LDLRAD4: variants seen among roughly 807,000 people sequenced by gnomAD.
LDLRAD4 encodes low-density lipoprotein receptor class A domain-containing protein 4.
Under a neutral mutation model 17.0 loss-of-function variants are expected in LDLRAD4, and 5 were observed. That is an observed-to-expected ratio of 0.29 (90% CI 0.15 to 0.62). LDLRAD4 has a LOEUF of 0.62. Among genes scored for constraint, LDLRAD4 ranks in the 20% least tolerant of loss-of-function variants. The pLI is 0.84. For missense variants in LDLRAD4, 340 were observed against 424.7 expected, an observed-to-expected ratio of 0.80 and a Z score of 1.75; for synonymous variants, 168 against 171.8, an observed-to-expected ratio of 0.98 and a Z score of 0.17.
intron 3 of LDLRAD4, among the ~76,000 whole-genome samples, chr18:13,516,861 T>G (rs1027094171): frequency 2.6e-5 from 4 of 152,174 alleles, no homozygotes; most frequent in Non-Finnish European, 5.9e-5. Context: ...GTTCCTTTAT[T>G]TATTTTGAGA....
At chr18:13,544,465 C>G (rs1206226076) in intron 3 of LDLRAD4, among the ~76,000 whole-genome samples, 2 of 152,290 alleles carry the variant, frequency 1.3e-5, no homozygotes, top group Non-Finnish European at 2.9e-5. Flanking sequence ...AAGATGGGTA[C>G]AAAGATGTGT....
intron 1 of LDLRAD4, among the ~76,000 whole-genome samples, chr18:13,364,753 G>T (rs886490048): frequency 2.8e-4 from 42 of 152,162 alleles, no homozygotes; most frequent in African/African-American, 8.9e-4. Context: ...ACCTGAGGCT[G>T]GCGATGCTGT....
chr18:13,246,298 G>T (rs553052257), intron 1 of LDLRAD4, among the ~76,000 whole-genome samples: 4 of 152,344 alleles, frequency 2.6e-5, no homozygotes, highest in Non-Finnish European at 5.9e-5. Context: ...TGCCCTTGGG[G>T]TCCCTGTGCA....
chr18:13,586,784 GGCT>G (rs2094941565), intron 3 of LDLRAD4, among the ~76,000 whole-genome samples: 1 of 151,690 alleles, frequency 6.6e-6, no homozygotes, highest in East Asian at 1.9e-4. Flanking sequence ...CATATCAGGA[GGCT>G]GAGTTGGGAG....
At chr18:13,327,393 G>C in intron 1 of LDLRAD4, among the ~76,000 whole-genome samples, 1 of 152,152 alleles carries the variant, frequency 6.6e-6, no homozygotes, top group East Asian at 1.9e-4. Context: ...ACAAGCAGCA[G>C]CACCACCACG....
exon 6 of LDLRAD4, chr18:13,648,103 A>C (rs1486321408): frequency 6.6e-6 from 1 of 152,192 alleles, no homozygotes; most frequent in Non-Finnish European, 1.5e-5. Context: ...TCTCACCTGC[A>C]GTTTTGGTGA....
intron 4 of LDLRAD4, among the ~76,000 whole-genome samples, chr18:13,630,351 C>A (rs1178847731): frequency 6.6e-6 from 1 of 152,036 alleles, no homozygotes; most frequent in Admixed American, 6.6e-5. Context: ...GCTGTGACTG[C>A]CATCTAGAGT....
chr18:13,612,051 C>T, intron 3 of LDLRAD4: 4 of 985,534 alleles, frequency 4.1e-6, no homozygotes, highest in South Asian at 9.4e-5. Context: ...CCGCCTGTCG[C>T]GTGTCCTGCC....
chr18:13,340,368 C>A (rs2082311003), intron 1 of LDLRAD4, among the ~76,000 whole-genome samples: 1 of 152,148 alleles, frequency 6.6e-6, no homozygotes, highest in African/African-American at 2.4e-5. Context: ...GGGGCTGCAC[C>A]ATTTTACATT....
At chr18:13,268,061 T>G (rs1338949544) in intron 1 of LDLRAD4, among the ~76,000 whole-genome samples, 1 of 152,210 alleles carries the variant, frequency 6.6e-6, no homozygotes, top group Admixed American at 6.5e-5. Flanking sequence ...TTGAAACTCT[T>G]GTACTTTCCA....
chr18:13,605,766 A>G (rs2095216982), intron 3 of LDLRAD4, among the ~76,000 whole-genome samples: 1 of 152,200 alleles, frequency 6.6e-6, no homozygotes, highest in Non-Finnish European at 1.5e-5. Context: ...TTGAATGACA[A>G]TTAGCAAAAA....
At chr18:13,341,904 T>A (rs183569875) in intron 1 of LDLRAD4, among the ~76,000 whole-genome samples, 14 of 152,272 alleles carry the variant, frequency 9.2e-5, no homozygotes, top group African/African-American at 3.1e-4. Context: ...GAGGTAATTT[T>A]CTTTTAGTCC....
intron 3 of LDLRAD4, among the ~76,000 whole-genome samples, chr18:13,499,839 C>T (rs1302778756): frequency 6.6e-6 from 1 of 152,258 alleles, no homozygotes; most frequent in Non-Finnish European, 1.5e-5. Context: ...ACACGTCCTG[C>T]TGTGAAAACC....
At chr18:13,606,552 G>A (rs1007116046) in intron 3 of LDLRAD4, among the ~76,000 whole-genome samples, 2 of 152,194 alleles carry the variant, frequency 1.3e-5, no homozygotes, top group Admixed American at 6.5e-5. Flanking sequence ...GAGCATTTGC[G>A]TTTCTACATA....
chr18:13,420,720 A>T (rs2089364337), intron 2 of LDLRAD4: 1 of 152,298 alleles, frequency 6.6e-6, no homozygotes, highest in Non-Finnish European at 1.5e-5. Context: ...CAGACCTTCC[A>T]TGCATGGGCA....
At chr18:13,401,601 C>T (rs1045147716) in intron 2 of LDLRAD4, among the ~76,000 whole-genome samples, 18 of 152,148 alleles carry the variant, frequency 1.2e-4, no homozygotes, top group African/African-American at 4.1e-4. Context: ...GAGGATGCCC[C>T]GTGCTCAGGT....
At chr18:13,516,207 C>T (rs774576007) in intron 3 of LDLRAD4, 8 of 152,126 alleles carry the variant, frequency 5.3e-5, no homozygotes, top group Non-Finnish European at 7.3e-5. Flanking sequence ...TTTACATATC[C>T]CCCTCTTCCC....
chr18:13,608,517 G>A (rs1458871807), intron 3 of LDLRAD4, among the ~76,000 whole-genome samples: 1 of 152,198 alleles, frequency 6.6e-6, no homozygotes, highest in African/African-American at 2.4e-5. Context: ...TGAGCTCTGA[G>A]TAGCCGCTGA....
chr18:13,415,545 T>A (rs1188037982), intron 2 of LDLRAD4, among the ~76,000 whole-genome samples: 1 of 152,078 alleles, frequency 6.6e-6, no homozygotes, highest in Admixed American at 6.5e-5. Flanking sequence ...GTCTCCCCGG[T>A]GGTTAGGGCT....
Sources: gnomAD v4.1 joint callset for allele counts (sites outside exome capture counted in the v4.1 genomes callset) on GRCh38, gnomAD v4.1.1 for gene constraint, MANE v1.5 for transcripts, NCBI Gene and HGNC (gene_info 2026-07-23, HGNC 2026-07-21) for gene names.